The following DNAH11 variants were observed in gnomAD, a reference collection of about 807,000 sequenced individuals.
The protein encoded by DNAH11 is axonemal beta dynein heavy chain 11.
DNAH11 carries 442 observed loss-of-function variants against 526.0 expected under a neutral mutation model. The ratio of observed to expected loss-of-function variants is 0.84; its 90% confidence interval spans 0.78 to 0.91. The LOEUF (loss-of-function observed/expected upper bound fraction) is 0.91. DNAH11 is among the 40% of genes least tolerant of loss of function. DNAH11 has a pLI of 0.00. For synonymous variants in DNAH11, 2,461 were observed against 1,935.9 expected, an observed-to-expected ratio of 1.27 and a Z score of -7.12; for missense variants, 6,989 against 5,448.7, an observed-to-expected ratio of 1.28 and a Z score of -8.90.
At chr7:21,718,489 G>A (rs549825518) in intron 43 of DNAH11, among the ~76,000 whole-genome samples, 118 of 152,306 alleles carry the variant, frequency 7.7e-4, no homozygotes, top group Admixed American at 1.9e-3. Context: ...ATTCATGGAG[G>A]AGTGTCAGTC....
At chr7:21,602,211 G>A (rs1225868911) in intron 18 of DNAH11, among the ~76,000 whole-genome samples, 12 of 151,964 alleles carry the variant, frequency 7.9e-5, no homozygotes, top group Non-Finnish European at 1.2e-4. Flanking sequence ...ATGGTGGCAC[G>A]CACCTGTAGT....
At chr7:21,877,316 C>A (rs1783751587) in intron 74 of DNAH11, among the ~76,000 whole-genome samples, 2 of 152,120 alleles carry the variant, frequency 1.3e-5, no homozygotes, top group African/African-American at 4.8e-5. Flanking sequence ...CTCAAGTAAT[C>A]CTCCTGCCTC....
Position 21,854,178 on chromosome 7 carries a change from G to T in DNAH11, c.11062-137G>T, listed in dbSNP as rs1257575306. On this transcript the variant is annotated intron_variant, in intron 67 of 81. Coordinates refer to ENST00000409508, the MANE Select transcript of DNAH11 (RefSeq NM_001277115.2). ...GAATGTAATCATTTTAGAAAAGCTC[G>T]AGCACATGGATGCCATGCATGTTAT... 7 of 802,572 alleles carry T rather than the reference G, an allele frequency of 8.7e-6. No homozygotes were observed. The Admixed American group carries it at 1.8e-4, about 20-fold the overall frequency. 49.7% of individuals were successfully genotyped at this position (802,572 alleles called of 1,614,324 possible).
At chr7:21,672,720 T>C (rs1294746311) in intron 30 of DNAH11, among the ~76,000 whole-genome samples, 1 of 152,214 alleles carries the variant, frequency 6.6e-6, no homozygotes, top group Non-Finnish European at 1.5e-5. Context: ...AGGAAGATTT[T>C]TTTTCTTTGT....
chr7:21,646,063 G>T (rs971109498), intron 28 of DNAH11, among the ~76,000 whole-genome samples: 2 of 152,030 alleles, frequency 1.3e-5, no homozygotes, highest in African/African-American at 4.8e-5. Context: ...CTCATATATG[G>T]AATATATAAA....
chr7:21,857,280 T>C (rs1186972358), intron 68 of DNAH11, among the ~76,000 whole-genome samples: 5 of 152,144 alleles, frequency 3.3e-5, no homozygotes, highest in African/African-American at 1.2e-4. Context: ...AAGGTTTGTA[T>C]TCTAAAAACT....
intron 62 of DNAH11, 51 bp from the exon 63 acceptor site, chr7:21,807,832 A>C: frequency 2.0e-6 from 3 of 1,536,118 alleles, no homozygotes; most frequent in Non-Finnish European, 2.7e-6. Flanking sequence ...GCATTTGTGG[A>C]GTTGACATTC....
Position 21,859,072 on chromosome 7 carries a change from A to G in DNAH11, c.11203-2781A>G, listed in dbSNP as rs1782959841. On this transcript the variant is annotated intron_variant, in intron 68 of 81. Transcript: ENST00000409508. ...TATTGTATAAAATTAACTTCAGGCT[A>G]TGTGTATAAGGTGTCTATGAAACAT... 3.3e-5 allele frequency among the ~76,000 whole-genome samples: 5 copies of G among 152,082 alleles called. No homozygotes were observed. In the South Asian group the frequency reaches 1.0e-3, roughly 32 times the overall value.
chr7:21,815,898 G>C (rs542566625), intron 63 of DNAH11, among the ~76,000 whole-genome samples: 1 of 151,590 alleles, frequency 6.6e-6, no homozygotes, highest in Non-Finnish European at 1.5e-5. Context: ...ACTTTGCAAC[G>C]CAATCAAGGC....
chr7:21,851,747 G>C (rs1562584021), intron 66 of DNAH11: 3 of 448,454 alleles, frequency 6.7e-6, no homozygotes, highest in Non-Finnish European at 1.4e-5. Flanking sequence ...GATTCTCTGT[G>C]TTTGCCTGTT....
chr7:21,601,166 T>C lies in DNAH11; in HGVS notation c.3412T>C (p.Phe1138Leu), dbSNP rs200099996. Residue 1138 changes from phenylalanine to leucine, a missense_variant, in exon 17 of 82, where the codon TTT becomes CTT. Phe to Leu is a conservative substitution (Grantham distance 22). Coordinates refer to ENST00000409508, the MANE Select transcript of DNAH11 (RefSeq NM_001277115.2). ...GATGTTTCAGGAGCATCTTTTGAGA[T>C]TTGTCATTGACAGGTAGCCTTTTAC... ...SWMFQEHLLR[F>L]VIDSLNELQE... 144 of 1,599,562 alleles carry C rather than the reference T, an allele frequency of 9.0e-5. 1 individual carries two copies. In the Middle Eastern group the frequency reaches 3.7e-3, roughly 41 times the overall value.
intron 44 of DNAH11, among the ~76,000 whole-genome samples, chr7:21,723,039 A>G (rs904640660): frequency 3.3e-5 from 5 of 152,186 alleles, no homozygotes; most frequent in Non-Finnish European, 5.9e-5. Context: ...TTAATAGTCA[A>G]CATGAGCAGC....
rs576022231 is a variant in DNAH11 at position 21,842,620 on chromosome 7, C to G, written c.10768C>G (p.Pro3590Ala). ...RLILHTKLANPHYKPELQAQT... is the reference protein window; with the variant it reads ...RLILHTKLANAHYKPELQAQT... ...TATCCTTCACACAAAATTGGCAAATCCTCACTATAAGCCGGAATTACAAGC... is the reference window on the plus strand; with the variant it reads ...TATCCTTCACACAAAATTGGCAAATGCTCACTATAAGCCGGAATTACAAGC... Residue 3590 changes from proline to alanine, a missense_variant, in exon 66 of 82, where the codon CCT becomes GCT. By Grantham distance (27) the Pro-to-Ala change is conservative (BLOSUM62 -1). Transcript: ENST00000409508. The G allele has an allele frequency of 2.3e-4, 369 of 1,613,912 alleles. 1 individual carries two copies. The South Asian group carries it at 3.4e-3, about 15-fold the overall frequency.
chr7:21,864,029 A>T (rs966458340), intron 69 of DNAH11, among the ~76,000 whole-genome samples: 1 of 152,206 alleles, frequency 6.6e-6, no homozygotes, highest in African/African-American at 2.4e-5. Context: ...TCCACTTCAC[A>T]ATGTGTTTAG....
chr7:21,895,540 G>A (rs984836729), intron 79 of DNAH11, among the ~76,000 whole-genome samples: 1 of 152,158 alleles, frequency 6.6e-6, no homozygotes, highest in Admixed American at 6.5e-5. Context: ...CTGTGCTGAT[G>A]TTACACCTAA....
chr7:21,544,419 G>T (rs536075787), intron 1 of DNAH11, among the ~76,000 whole-genome samples: 2 of 152,164 alleles, frequency 1.3e-5, no homozygotes, highest in South Asian at 4.1e-4. Flanking sequence ...TTTGTTTTAG[G>T]ACTCTCCTAA....
intron 61 of DNAH11, among the ~76,000 whole-genome samples, chr7:21,796,133 C>A (rs538575634): frequency 2.6e-5 from 4 of 152,300 alleles, no homozygotes; most frequent in Admixed American, 1.3e-4. Context: ...ATACTAAGCT[C>A]CCTAATATTG....
intron 31 of DNAH11, 60 bp from the exon 32 acceptor site, chr7:21,683,724 A>T: frequency 6.8e-7 from 1 of 1,469,564 alleles, no homozygotes. Flanking sequence ...TGATTAGATT[A>T]ATAACTTGTT....
At chr7:21,611,078 TTGG>T (rs1336651116) in intron 20 of DNAH11, among the ~76,000 whole-genome samples, 1 of 152,156 alleles carries the variant, frequency 6.6e-6, no homozygotes, top group African/African-American at 2.4e-5. Flanking sequence ...GGTTTGTAAG[TTGG>T]TGGACTGAGT....
Sources: gnomAD v4.1 joint callset for allele counts (sites outside exome capture counted in the v4.1 genomes callset) on GRCh38, gnomAD v4.1.1 for gene constraint, MANE v1.5 for transcripts, NCBI Gene and HGNC (gene_info 2026-07-23, HGNC 2026-07-21) for gene names.